Variants in GNB1L observed in about 807,000 individuals in gnomAD.
GNB1L encodes guanine nucleotide-binding protein subunit beta-like protein 1.
GNB1L carries 20 observed loss-of-function variants against 29.1 expected under a neutral mutation model. That is an observed-to-expected ratio of 0.69 (90% confidence interval 0.48 to 1.00). The LOEUF is 1.00. Among genes scored for constraint, GNB1L ranks in the 50% least tolerant of loss-of-function variants. GNB1L has a pLI of 0.00. For synonymous variants in GNB1L, 193 were observed against 206.5 expected (o/e 0.93, Z 0.56); for missense variants, 421 against 464.9 (o/e 0.91, Z 0.87).
intron 6 of GNB1L, 96 bp downstream of exon 6, chr22:19,806,563 C>T: frequency 1.3e-6 from 1 of 757,156 alleles, no homozygotes; most frequent in Non-Finnish European, 2.2e-6. Context: ...GGGGTGTTGC[C>T]TGAGTGGCTC....
At chr22:19,834,755 A>G (rs1191316552) in intron 2 of GNB1L, among the ~76,000 whole-genome samples, 2 of 152,154 alleles carry the variant, frequency 1.3e-5, no homozygotes, top group Non-Finnish European at 2.9e-5. Flanking sequence ...AAATACCTAA[A>G]TAATTCAAGA....
chr22:19,802,860 G>C (rs1212901052), intron 6 of GNB1L, among the ~76,000 whole-genome samples: 1 of 152,242 alleles, frequency 6.6e-6, no homozygotes, highest in African/African-American at 2.4e-5. Flanking sequence ...TCCAAGCCCT[G>C]GGCAGACACC....
rs1017387409 is a variant in GNB1L at position 19,816,357 on chromosome 22, T to C, written c.255-3910A>G. ...CCCTAATTCTGATCATTTATTTTAG[T>C]GCTCAAATTGGCCCAGGCTAATGGG... On this transcript the variant is annotated intron_variant, in intron 4 of 7. Coordinates refer to ENST00000329517, the MANE Select transcript of GNB1L (RefSeq NM_053004.3). The surrounding 1 kb of genome is among the most constrained non-coding windows in gnomAD (Gnocchi z 4.4). Among the ~76,000 whole-genome samples, 17 of 152,178 alleles carry C rather than the reference T, an allele frequency of 1.1e-4. No individual in the cohort carries two copies. Among genetic ancestry groups the C allele is most frequent in the Non-Finnish European group, 2.5e-4 (17 of 68,028 alleles).
At chr22:19,821,137 A>T in intron 3 of GNB1L, 91 bp downstream of exon 3, 1 of 1,334,360 alleles carries the variant, frequency 7.5e-7, no homozygotes, top group East Asian at 2.3e-5. Flanking sequence ...CCCCTTGGCC[A>T]GCACCCTCAA....
intron 7 of GNB1L, among the ~76,000 whole-genome samples, chr22:19,796,272 C>A (rs1199240472): frequency 6.6e-6 from 1 of 152,164 alleles, no homozygotes; most frequent in Non-Finnish European, 1.5e-5. Flanking sequence ...TACAGACAGG[C>A]CCCCAGCAAA....
At chr22:19,844,777 G>A (rs1292159413) in intron 2 of GNB1L, among the ~76,000 whole-genome samples, 2 of 152,228 alleles carry the variant, frequency 1.3e-5, no homozygotes, top group Admixed American at 1.3e-4. Flanking sequence ...ACGGGCAGAG[G>A]CAGGAACCCA....
intron 2 of GNB1L, among the ~76,000 whole-genome samples, chr22:19,827,587 T>A (rs1336835831): frequency 6.6e-6 from 1 of 152,164 alleles, no homozygotes; most frequent in African/African-American, 2.4e-5. Context: ...AATAAATATA[T>A]GCAAAGATGT....
chr22:19,850,793 T>G (rs779021151), intron 2 of GNB1L: 46 of 1,280,988 alleles, frequency 3.6e-5, no homozygotes, highest in South Asian at 6.5e-5. Context: ...TCCCAGCCAG[T>G]GTGGAAGACA....
chr22:19,844,014 C>T (rs1182172638), intron 2 of GNB1L, among the ~76,000 whole-genome samples: 1 of 152,092 alleles, frequency 6.6e-6, no homozygotes, highest in African/African-American at 2.4e-5. Context: ...GGGGCAGTGG[C>T]CCAGGTGCCC....
In GNB1L at chr22:19,827,541, G is replaced by T. The variant is rs568620735; in HGVS notation, c.-20-6166C>A. On this transcript the variant is annotated intron_variant, in intron 2 of 7. Coordinates refer to ENST00000329517, the MANE Select transcript of GNB1L (RefSeq NM_053004.3). ...ACACCGAAAGAAAAATAAGCAAAAG[G>T]CTTGGACAGATATTTCACAAGCAAC... Among the ~76,000 whole-genome samples the T allele has an allele frequency of 1.5e-3, 224 of 152,236 alleles. 2 individuals are homozygous for T. Among genetic ancestry groups the T allele is most frequent in the African/African-American group, 5.2e-3 (215 of 41,528 alleles).
Position 19,802,213 on chromosome 22 carries a change from C to A in GNB1L, c.520G>T (p.Asp174Tyr). Reference protein sequence around the residue: ...MPMCLRLWQADCSSRPLLLAG... With the variant: ...MPMCLRLWQAYCSSRPLLLAG... Reference sequence around the variant, plus strand: ...AGAAGGAGTGGGCGGGAGCTGCAGTCGGCCTGCGGGGAACAGCAGAGCAGT... The same window carrying A: ...AGAAGGAGTGGGCGGGAGCTGCAGTAGGCCTGCGGGGAACAGCAGAGCAGT... The change falls in exon 7 of 8, where the codon GAC (aspartate) becomes TAC (tyrosine). Residue 174 changes from aspartate to tyrosine, a missense_variant. Physicochemically the swap from Asp to Tyr is radical, Grantham distance 160. Transcript: ENST00000329517. 6.2e-7 allele frequency: 1 copy of A among 1,612,202 alleles called. No individual in the cohort carries two copies. The highest frequency in any genetic ancestry group is 1.1e-5 in the South Asian group (1 of 91,052).
At chr22:19,847,015 T>C (rs1937977428) in intron 2 of GNB1L, 3 of 985,444 alleles carry the variant, frequency 3.0e-6, no homozygotes, top group Non-Finnish European at 3.6e-6. Context: ...TACTTCTCCA[T>C]ACTGAGCACC....
chr22:19,799,162 C>T (rs1937340047), intron 7 of GNB1L, among the ~76,000 whole-genome samples: 1 of 152,212 alleles, frequency 6.6e-6, no homozygotes, highest in South Asian at 2.1e-4. Context: ...CCAGGGCTGC[C>T]TGGGGTGGGG....
At chr22:19,851,902 C>T in intron 2 of GNB1L, 1 of 1,614,128 alleles carries the variant, frequency 6.2e-7, no homozygotes, top group Non-Finnish European at 8.5e-7. Flanking sequence ...AATCGCCCAG[C>T]TGGGCCAAGA....
chr22:19,844,523 A>G (rs1239094696), intron 2 of GNB1L, among the ~76,000 whole-genome samples: 4 of 152,250 alleles, frequency 2.6e-5, no homozygotes, highest in African/African-American at 9.6e-5. Context: ...TGAGGCTGCA[A>G]GTCAGACTTC....
intron 4 of GNB1L, among the ~76,000 whole-genome samples, chr22:19,819,262 G>A (rs988371130): frequency 4.6e-5 from 7 of 152,374 alleles, no homozygotes; most frequent in African/African-American, 9.6e-5. Flanking sequence ...CTGCACCAGC[G>A]TGTGAAGCAG....
chr22:19,793,111 T>G, intron 7 of GNB1L: 1 of 1,272,872 alleles, frequency 7.9e-7, no homozygotes, highest in Non-Finnish European at 1.1e-6. Flanking sequence ...ACTGTTGAGT[T>G]TTCTGTACAT....
At chr22:19,851,493 G>A (rs1333562026) in intron 2 of GNB1L, 10 of 1,614,056 alleles carry the variant, frequency 6.2e-6, no homozygotes, top group Non-Finnish European at 7.6e-6. Flanking sequence ...GTCAGCTGCT[G>A]CTCGAACAGA....
intron 6 of GNB1L, 51 bp from the exon 7 acceptor site, chr22:19,802,267 G>T: frequency 6.8e-7 from 1 of 1,461,526 alleles, no homozygotes. Flanking sequence ...TGACTCCAGT[G>T]AGTTTCGGGG....
Sources: allele counts gnomAD v4.1 joint callset (sites outside exome capture counted in the v4.1 genomes callset), GRCh38; gene constraint gnomAD v4.1.1; non-coding constraint Gnocchi (gnomAD v3.1); transcripts MANE v1.5; gene names NCBI Gene and HGNC (gene_info 2026-07-23, HGNC 2026-07-21).